STK33: variants seen among roughly 807,000 people sequenced by gnomAD.
STK33 encodes serine/threonine-protein kinase 33.
STK33 carries 52 observed loss-of-function variants against 58.0 expected under a neutral mutation model. That is an observed-to-expected ratio of 0.90 (90% CI 0.72 to 1.13). STK33 has a LOEUF of 1.13. Among genes scored for constraint, STK33 ranks in the 50% most tolerant of loss-of-function variants. STK33 has a pLI of 0.00. For missense variants in STK33, 630 were observed against 604.2 expected, an observed-to-expected ratio of 1.04 and a Z score of -0.45; for synonymous variants, 215 against 200.1, an observed-to-expected ratio of 1.07 and a Z score of -0.63.
At chr11:8,535,897 G>A (rs1954959928) in intron 1 of STK33, among the ~76,000 whole-genome samples, 1 of 152,066 alleles carries the variant, frequency 6.6e-6, no homozygotes, top group Non-Finnish European at 1.5e-5. Flanking sequence ...TAGAATACTG[G>A]AATGGAATAC....
the STK33 span, among the ~76,000 whole-genome samples, chr11:8,336,422 G>C: frequency 6.6e-6 from 1 of 152,252 alleles, no homozygotes; most frequent in Non-Finnish European, 1.5e-5. Flanking sequence ...TGCCATTCAC[G>C]GGGAGATGGA....
intron 1 of STK33, among the ~76,000 whole-genome samples, chr11:8,505,469 C>G (rs1951801932): frequency 6.6e-6 from 1 of 152,188 alleles, no homozygotes; most frequent in Admixed American, 6.5e-5. Flanking sequence ...GTGGGACATT[C>G]TTCCTACCAT....
intron 1 of STK33, among the ~76,000 whole-genome samples, chr11:8,579,973 C>T (rs969191307): frequency 6.6e-6 from 1 of 152,010 alleles, no homozygotes; most frequent in Non-Finnish European, 1.5e-5. Context: ...ATAACAAATG[C>T]TAGAGGAGAT....
At chr11:8,490,273 C>T (rs1046158926) in intron 1 of STK33, among the ~76,000 whole-genome samples, 1 of 152,238 alleles carries the variant, frequency 6.6e-6, no homozygotes, top group African/African-American at 2.4e-5. Context: ...ATATCCCCTG[C>T]ATGGCTGGAT....
intron 1 of STK33, among the ~76,000 whole-genome samples, chr11:8,517,946 A>G (rs1952967052): frequency 6.6e-6 from 1 of 152,188 alleles, no homozygotes; most frequent in African/African-American, 2.4e-5. Context: ...AACTTCCCCA[A>G]CCTAGCAAGG....
chr11:8,517,462 C>T (rs769542661), intron 1 of STK33, among the ~76,000 whole-genome samples: 3 of 152,172 alleles, frequency 2.0e-5, no homozygotes, highest in East Asian at 1.9e-4. Flanking sequence ...TCGCCAGCAA[C>T]GGAACAAAGC....
chr11:8,436,844 C>T (rs1275511166), intron 12 of STK33, among the ~76,000 whole-genome samples: 3 of 152,104 alleles, frequency 2.0e-5, no homozygotes, highest in East Asian at 1.9e-4. Flanking sequence ...ATTACAGGCA[C>T]GCACCACCTC....
intron 1 of STK33, among the ~76,000 whole-genome samples, chr11:8,503,258 A>C (rs1951642500): frequency 6.6e-6 from 1 of 152,222 alleles, no homozygotes; most frequent in Non-Finnish European, 1.5e-5. Flanking sequence ...AAAATGTGGT[A>C]CACATACACC....
chr11:8,588,422 T>G (rs2032065775), intron 1 of STK33, among the ~76,000 whole-genome samples: 1 of 152,200 alleles, frequency 6.6e-6, no homozygotes, highest in African/African-American at 2.4e-5. Context: ...CGAGTTGACT[T>G]TAACAAGTGA....
At chr11:8,560,559 T>G (rs931400625) in intron 1 of STK33, among the ~76,000 whole-genome samples, 1 of 152,184 alleles carries the variant, frequency 6.6e-6, no homozygotes, top group Non-Finnish European at 1.5e-5. Flanking sequence ...AAGCTTTTAG[T>G]TTTTATGAAA....
At chr11:8,583,899 TA>T (rs1165478212) in intron 1 of STK33, among the ~76,000 whole-genome samples, 2 of 152,000 alleles carry the variant, frequency 1.3e-5, no homozygotes, top group African/African-American at 4.8e-5. Context: ...AAAACAGAGA[TA>T]ATATGGGACT....
At chr11:8,561,755 A>G (rs1022885876) in intron 1 of STK33, among the ~76,000 whole-genome samples, 1 of 152,224 alleles carries the variant, frequency 6.6e-6, no homozygotes, top group Non-Finnish European at 1.5e-5. Flanking sequence ...AATAGTTTAG[A>G]TAAAAAGAAT....
chr11:8,553,662 G>A (rs2140701727), intron 1 of STK33, among the ~76,000 whole-genome samples: 1 of 152,174 alleles, frequency 6.6e-6, no homozygotes, highest in African/African-American at 2.4e-5. Flanking sequence ...ATAGTCAACT[G>A]ATGTTTTTTT....
At chr11:8,449,870 GA>G (rs1225434743) in intron 11 of STK33, among the ~76,000 whole-genome samples, 5 of 152,128 alleles carry the variant, frequency 3.3e-5, no homozygotes, top group Non-Finnish European at 7.4e-5. Flanking sequence ...TCACGTCAGT[GA>G]GAATGGTGAT....
At chr11:8,394,883 T>G (rs1377198729) in intron 15 of STK33, among the ~76,000 whole-genome samples, 1 of 152,192 alleles carries the variant, frequency 6.6e-6, no homozygotes, top group African/African-American at 2.4e-5. Context: ...TTTTAGTTAT[T>G]TATTTCTTAA....
the STK33 span, among the ~76,000 whole-genome samples, chr11:8,364,513 T>C: frequency 1.3e-5 from 2 of 152,332 alleles, no homozygotes; most frequent in South Asian, 4.1e-4. Flanking sequence ...GATATGTATC[T>C]GCTATTGATG....
At chr11:8,399,353 G>A (rs1350644706) in intron 15 of STK33, among the ~76,000 whole-genome samples, 1 of 151,582 alleles carries the variant, frequency 6.6e-6, no homozygotes, top group Admixed American at 6.6e-5. Context: ...TGAACAACCT[G>A]CTCCTGAATG....
intron 1 of STK33, among the ~76,000 whole-genome samples, chr11:8,575,587 G>C (rs1958123491): frequency 6.6e-6 from 1 of 152,174 alleles, no homozygotes; most frequent in Admixed American, 6.5e-5. Flanking sequence ...GTTATCAGGG[G>C]CTGGGGGAAG....
Position 8,398,628 on chromosome 11 carries a change from A to G in STK33, c.1345-5918T>C, listed in dbSNP as rs193024945. 1.8e-3 allele frequency among the ~76,000 whole-genome samples: 279 copies of G among 152,362 alleles called. 1 individual carries two copies. Among genetic ancestry groups the G allele is most frequent in the Admixed American group, 2.5e-3 (38 of 15,310 alleles). ...ACGTAACAATATTAACCTTAAAGGT[A>G]AATAGGCTAAATGCTCCAATTAAAA... is the stretch of plus-strand genomic sequence containing the variant. On this transcript the variant is annotated intron_variant, in intron 15 of 15. Transcript: ENST00000687296.
Sources: gnomAD v4.1 joint callset for allele counts (sites outside exome capture counted in the v4.1 genomes callset) on GRCh38, gnomAD v4.1.1 for gene constraint, MANE v1.5 for transcripts, NCBI Gene and HGNC (gene_info 2026-07-23, HGNC 2026-07-21) for gene names.